The following SCN1A variants were observed in gnomAD, a reference collection of about 807,000 sequenced individuals.
SCN1A encodes sodium channel protein type 1 subunit alpha.
A neutral mutation model predicts 193.7 loss-of-function variants in SCN1A; 13 were observed. The observed-to-expected ratio is 0.07, with a 90% confidence interval of 0.04 to 0.11. The LOEUF (loss-of-function observed/expected upper bound fraction) is 0.11. Ranked by LOEUF, SCN1A falls within the 10% of genes least tolerant of loss-of-function variation. SCN1A has a pLI of 1.00. For missense variants in SCN1A, 1,432 were observed against 2,451.1 expected (o/e 0.58, Z 8.78); for synonymous variants, 781 against 843.6 (o/e 0.93, Z 1.29).
intron 19 of SCN1A, among the ~76,000 whole-genome samples, chr2:166,031,718 A>T (rs1387845012): frequency 1.3e-5 from 2 of 152,086 alleles, no homozygotes; most frequent in Admixed American, 1.3e-4. Flanking sequence ...AATAATAATG[A>T]TGATTTACCA....
At chr2:166,082,481 T>G (rs549497526) in intron 2 of SCN1A, among the ~76,000 whole-genome samples, 14 of 151,758 alleles carry the variant, frequency 9.2e-5, no homozygotes, top group African/African-American at 3.4e-4. Context: ...GAATTTATAT[T>G]ACTTGGACAG....
At chr2:166,126,673 A>T (rs1414669957) in intron 2 of SCN1A, among the ~76,000 whole-genome samples, 1 of 152,228 alleles carries the variant, frequency 6.6e-6, no homozygotes, top group Non-Finnish European at 1.5e-5. Context: ...AGAAGAAGAC[A>T]CATTTTATAG....
rs369611499 is a variant in SCN1A at position 166,078,890 on chromosome 2, GT to G, written c.-141-1090del. 2.8e-4 allele frequency among the ~76,000 whole-genome samples: 42 copies of G among 151,572 alleles called. 1 individual carries two copies. The East Asian group carries it at 7.9e-3, about 29-fold the overall frequency. On this transcript the variant is annotated intron_variant, in intron 2 of 28. Coordinates refer to ENST00000674923, the MANE Select transcript of SCN1A (RefSeq NM_001165963.4). ...ATGCAAGAACTATTTAAAAGAAAGT[GT>G]TTAAATTTTTCAAATGATAGATTTT...
chr2:166,110,741 C>T (rs1219925714), intron 2 of SCN1A, among the ~76,000 whole-genome samples: 1 of 152,162 alleles, frequency 6.6e-6, no homozygotes, highest in Non-Finnish European at 1.5e-5. Context: ...TATGTCCCCA[C>T]CCAAATCTCA....
chr2:166,024,081 T>A (rs1036695365), intron 19 of SCN1A, among the ~76,000 whole-genome samples: 12 of 151,946 alleles, frequency 7.9e-5, no homozygotes, highest in Non-Finnish European at 1.6e-4. Flanking sequence ...TGGCCAAAAA[T>A]TTTTTTAAAT....
chr2:166,102,784 G>T (rs1288798925), intron 2 of SCN1A, among the ~76,000 whole-genome samples: 1 of 152,082 alleles, frequency 6.6e-6, no homozygotes, highest in Non-Finnish European at 1.5e-5. Context: ...AATAGCAATG[G>T]CATGCAATCA....
intron 6 of SCN1A, 138 bp from the exon 7 acceptor site, chr2:166,054,904 G>A (rs555831703): frequency 1.3e-6 from 1 of 765,536 alleles, no homozygotes; most frequent in East Asian, 2.8e-5. Context: ...TCATACAAAT[G>A]AAACGTAGCC....
chr2:166,048,045 A>G (rs775300713), intron 10 of SCN1A, among the ~76,000 whole-genome samples: 1 of 152,028 alleles, frequency 6.6e-6, no homozygotes, highest in Non-Finnish European at 1.5e-5. Flanking sequence ...TTTTACTACT[A>G]TGGAGTCTCC....
chr2:166,042,450 A>T (rs749370340), intron 14 of SCN1A, 26 bp from the exon 15 acceptor site: 1 of 1,611,084 alleles, frequency 6.2e-7, no homozygotes, highest in African/African-American at 1.3e-5. Flanking sequence ...CTAATGCATT[A>T]AACAATTAAT....
intron 19 of SCN1A, among the ~76,000 whole-genome samples, chr2:166,018,291 T>A (rs1386549922): frequency 6.6e-6 from 1 of 152,058 alleles, no homozygotes; most frequent in Non-Finnish European, 1.5e-5. Context: ...TTATTCACTT[T>A]ATGAATTAAA....
At chr2:166,012,326 A>G in intron 21 of SCN1A, 44 bp from the exon 22 acceptor site, 2 of 1,449,166 alleles carry the variant, frequency 1.4e-6, no homozygotes, top group Non-Finnish European at 1.9e-6. Flanking sequence ...AAAAATAATT[A>G]TACTCCATAA....
intron 2 of SCN1A, among the ~76,000 whole-genome samples, chr2:166,118,302 CTTTTTTTTTTTTTTTTT>C (rs61002916): frequency 1.2e-5 from 1 of 81,072 alleles, no homozygotes; most frequent in Non-Finnish European, 2.2e-5. Context: ...TATTTAGTTT[CTTTTTTTTTTTTTTTTT>C]TTTTTTTTTT....
chr2:166,116,062 T>C (rs535610653), intron 2 of SCN1A, among the ~76,000 whole-genome samples: 29 of 152,322 alleles, frequency 1.9e-4, no homozygotes, highest in Middle Eastern at 3.4e-3. Flanking sequence ...AATGGTAAGG[T>C]AGATCGACCA....
chr2:166,012,076 T>G, intron 22 of SCN1A, 33 bp downstream of exon 22: 1 of 1,600,108 alleles, frequency 6.2e-7, no homozygotes, highest in Non-Finnish European at 8.6e-7. Context: ...ACAAGCTACC[T>G]TGAACAGAGA....
intron 22 of SCN1A, among the ~76,000 whole-genome samples, chr2:166,010,780 C>T (rs958782874): frequency 5.3e-5 from 8 of 150,678 alleles, no homozygotes; most frequent in African/African-American, 1.7e-4. Context: ...GTAATTAGTC[C>T]TTTTATAGAG....
intron 9 of SCN1A, 79 bp downstream of exon 9, chr2:166,051,640 C>T: frequency 8.9e-7 from 1 of 1,124,996 alleles, no homozygotes; most frequent in South Asian, 1.5e-5. Flanking sequence ...GGATATCCAG[C>T]CCCTCAAGTA....
intron 19 of SCN1A, among the ~76,000 whole-genome samples, chr2:166,025,605 A>T (rs182802387): frequency 2.6e-5 from 4 of 152,278 alleles, no homozygotes; most frequent in Admixed American, 2.6e-4. Flanking sequence ...TGGAGTGGGG[A>T]TTATACAAGG....
intron 22 of SCN1A, among the ~76,000 whole-genome samples, chr2:166,011,078 C>T (rs1026294048): frequency 6.6e-6 from 1 of 151,112 alleles, no homozygotes; most frequent in Admixed American, 6.6e-5. Flanking sequence ...CAAACTTTCT[C>T]CCTTATTGAT....
chr2:166,112,753 T>C (rs1689432051), intron 2 of SCN1A, among the ~76,000 whole-genome samples: 1 of 152,178 alleles, frequency 6.6e-6, no homozygotes, highest in South Asian at 2.1e-4. Flanking sequence ...TGAGGGCCCC[T>C]ACATAGCTTC....
Sources: allele counts gnomAD v4.1 joint callset (sites outside exome capture counted in the v4.1 genomes callset), GRCh38; gene constraint gnomAD v4.1.1; transcripts MANE v1.5; gene names NCBI Gene and HGNC (gene_info 2026-07-23, HGNC 2026-07-21).